The following FRAS1 variants were observed in gnomAD, a reference collection of about 807,000 sequenced individuals.
FRAS1 encodes Fraser extracellular matrix complex subunit 1, also known as extracellular matrix organizing protein FRAS1.
FRAS1 carries 290 observed loss-of-function variants against 435.2 expected under a neutral mutation model. That is an observed-to-expected ratio of 0.67 (90% CI 0.61 to 0.73). FRAS1 has a LOEUF of 0.73. FRAS1 is among the 30% of genes least tolerant of loss of function. The probability of loss-of-function intolerance (pLI) is 0.00; values close to 1 mark genes in which losing one functional copy is unlikely to be tolerated. For missense variants in FRAS1, 4,860 were observed against 5,001.5 expected (o/e 0.97, Z 0.85); for synonymous variants, 1,800 against 1,851.0 (o/e 0.97, Z 0.71).
chr4:78,420,537 C>T (rs1733732435), intron 33 of FRAS1, among the ~76,000 whole-genome samples: 1 of 152,120 alleles, frequency 6.6e-6, no homozygotes, highest in Admixed American at 6.5e-5. Flanking sequence ...ATCTGCAGCC[C>T]CTACAGCATT....
chr4:78,311,700 C>T (rs1729029629), intron 15 of FRAS1, among the ~76,000 whole-genome samples: 2 of 152,248 alleles, frequency 1.3e-5, no homozygotes. Flanking sequence ...AGGGTTCACT[C>T]ATCTCCACAT....
At chr4:78,300,603 C>T (rs1728340623) in intron 14 of FRAS1, among the ~76,000 whole-genome samples, 1 of 152,112 alleles carries the variant, frequency 6.6e-6, no homozygotes, top group Non-Finnish European at 1.5e-5. Flanking sequence ...ACATGGCAGC[C>T]AGAGAGTGAT....
rs565932829 is a variant in FRAS1, at chr4:78,269,378, T to G, written c.981+1946T>G. Among the ~76,000 whole-genome samples the G allele has an allele frequency of 2.6e-5, 4 of 152,350 alleles. 1 individual carries two copies. In the South Asian group the frequency reaches 8.3e-4, roughly 32 times the overall value. On this transcript the variant is annotated intron_variant, in intron 9 of 73. Coordinates refer to ENST00000512123, the MANE Select transcript of FRAS1 (RefSeq NM_025074.7). ...AGTGGAAGTGCCCTTTTGATATTTT[T>G]ATTCAGTTCTACCCCACTTTCTGCC...
chr4:78,355,159 T>G (rs1195165665), intron 20 of FRAS1, among the ~76,000 whole-genome samples: 1 of 152,108 alleles, frequency 6.6e-6, no homozygotes, highest in Non-Finnish European at 1.5e-5. Context: ...AAACAATAAA[T>G]GCATTTATTT....
At chr4:78,303,058 T>A (rs902851883) in intron 14 of FRAS1, among the ~76,000 whole-genome samples, 3 of 152,158 alleles carry the variant, frequency 2.0e-5, no homozygotes, top group African/African-American at 7.2e-5. Context: ...AGGGATCCAG[T>A]TTCAGCTTTC....
At chr4:78,271,910 A>G (rs1417963065) in intron 9 of FRAS1, among the ~76,000 whole-genome samples, 2 of 152,196 alleles carry the variant, frequency 1.3e-5, no homozygotes, top group African/African-American at 4.8e-5. Context: ...ACAATGGTTG[A>G]ACTAGTTTAC....
At chr4:78,524,251 G>A (rs1437955233) in intron 69 of FRAS1, among the ~76,000 whole-genome samples, 2 of 152,202 alleles carry the variant, frequency 1.3e-5, no homozygotes, top group Admixed American at 1.3e-4. Context: ...CATGTGATAG[G>A]TTCTGAGCAA....
intron 9 of FRAS1, among the ~76,000 whole-genome samples, chr4:78,269,551 C>T (rs1726549426): frequency 6.6e-6 from 1 of 152,190 alleles, no homozygotes; most frequent in Non-Finnish European, 1.5e-5. Context: ...TCATCGTTGT[C>T]TTCATTATCA....
chr4:78,252,745 G>A (rs1186778330), intron 5 of FRAS1, among the ~76,000 whole-genome samples, 194 bp downstream of exon 5: 2 of 152,086 alleles, frequency 1.3e-5, no homozygotes, highest in East Asian at 3.9e-4. Context: ...ATATCAGTAG[G>A]ACCGTGATGC....
intron 60 of FRAS1, among the ~76,000 whole-genome samples, chr4:78,498,810 A>G (rs1484272839): frequency 6.6e-6 from 1 of 151,564 alleles, no homozygotes; most frequent in East Asian, 1.9e-4. Flanking sequence ...AGAAGGCATG[A>G]TTTGAATTTT....
At position 78,447,000 on chromosome 4, in the gene FRAS1, A is replaced by C. The variant is rs78370762; in HGVS notation, c.6010+120A>C. ...TGTATATGGTACATTCTTTGCATCAAAGTGTAATCAAATTCACAGCTGGCT... is the reference window on the plus strand; with the variant it reads ...TGTATATGGTACATTCTTTGCATCACAGTGTAATCAAATTCACAGCTGGCT... On this transcript the variant is annotated intron_variant, in intron 43 of 73. Transcript: ENST00000512123. The C allele has an allele frequency of 6.1e-3, 6,031 of 983,932 alleles. 251 individuals carry two copies. In the African/African-American group the frequency reaches 0.088, roughly 14 times the overall value. 61.0% of individuals were successfully genotyped at this position (983,932 alleles called of 1,614,324 possible).
At chr4:78,429,656 A>C (rs1734135730) in intron 36 of FRAS1, among the ~76,000 whole-genome samples, 1 of 152,202 alleles carries the variant, frequency 6.6e-6, no homozygotes, top group African/African-American at 2.4e-5. Flanking sequence ...TTTGTATATA[A>C]TTATATGTAC....
At chr4:78,481,635 C>G (rs922563108) in intron 56 of FRAS1, among the ~76,000 whole-genome samples, 169 bp from the exon 57 acceptor site, 1 of 152,170 alleles carries the variant, frequency 6.6e-6, no homozygotes, top group Admixed American at 6.5e-5. Flanking sequence ...AGTGACACCT[C>G]TAGGCCTTCA....
chr4:78,493,593 G>T (rs1036542304), intron 59 of FRAS1, among the ~76,000 whole-genome samples: 1 of 152,082 alleles, frequency 6.6e-6, no homozygotes, highest in African/African-American at 2.4e-5. Flanking sequence ...CTCATAAGTG[G>T]GAGTTGAACA....
At chr4:78,149,048 T>C (rs988986239) in intron 2 of FRAS1, among the ~76,000 whole-genome samples, 2 of 152,232 alleles carry the variant, frequency 1.3e-5, no homozygotes, top group East Asian at 1.9e-4. Flanking sequence ...CTTTATGTGC[T>C]GAATAAAGCA....
chr4:78,277,840 G>T (rs1366500479), intron 9 of FRAS1, among the ~76,000 whole-genome samples: 1 of 151,304 alleles, frequency 6.6e-6, no homozygotes, highest in Non-Finnish European at 1.5e-5. Flanking sequence ...TTGAGACGGA[G>T]TCTCACTGTC....
intron 2 of FRAS1, among the ~76,000 whole-genome samples, chr4:78,101,531 T>C (rs10002093): frequency 2.7e-3 from 417 of 152,310 alleles, no homozygotes; most frequent in African/African-American, 9.1e-3. Flanking sequence ...GTGTATTTTT[T>C]TTAACATTTT....
chr4:78,432,595 T>C lies in FRAS1; in HGVS notation c.5208T>C (p.Leu1736=), dbSNP rs35608396. 3,937 of 1,576,362 alleles carry C rather than the reference T, an allele frequency of 2.5e-3. 105 individuals are homozygous for C. The African/African-American group carries it at 0.045, about 18-fold the overall frequency. The change falls in exon 38 of 74, where the codon CTT becomes CTC. Residue 1736 remains leucine (L), a synonymous_variant. Transcript: ENST00000512123. ...CAGCCATAATCACTAGGTCACACCT[T>C]GCTTACGTGGTAAGTTCTTCCATTT... The part of the protein sequence containing the change: ...KSTAIITRSH[L]AYVDDSSPDP...
At chr4:78,447,952 C>A in intron 43 of FRAS1, 101 bp from the exon 44 acceptor site, 2 of 1,113,620 alleles carry the variant, frequency 1.8e-6, no homozygotes, top group Non-Finnish European at 2.5e-6. Flanking sequence ...ACTTGACATT[C>A]TACCCAGACT....
Sources: allele counts gnomAD v4.1 joint callset (sites outside exome capture counted in the v4.1 genomes callset), GRCh38; gene constraint gnomAD v4.1.1; transcripts MANE v1.5; gene names NCBI Gene and HGNC (gene_info 2026-07-23, HGNC 2026-07-21).